PDE7A: variants seen among roughly 807,000 people sequenced by gnomAD.
The protein encoded by PDE7A is phosphodiesterase 7A, also known as high affinity 3',5'-cyclic-AMP phosphodiesterase 7A.
In PDE7A, 39 loss-of-function variants were observed where a neutral mutation model predicts 64.3. The observed-to-expected ratio is 0.61, with a 90% CI of 0.47 to 0.79. The LOEUF (loss-of-function observed/expected upper bound fraction) is 0.79, where lower values mean the gene tolerates loss of function less well. PDE7A is among the 30% of genes least tolerant of loss of function. The probability of loss-of-function intolerance (pLI) is 0.00; values close to 1 mark genes in which losing one functional copy is unlikely to be tolerated. For missense variants in PDE7A, 470 were observed against 582.8 expected (o/e 0.81, Z 1.99); for synonymous variants, 203 against 206.8 (o/e 0.98, Z 0.16).
chr8:65,764,222 G>C (rs939925350), intron 3 of PDE7A, among the ~76,000 whole-genome samples: 1 of 152,122 alleles, frequency 6.6e-6, no homozygotes, highest in Non-Finnish European at 1.5e-5. Context: ...CTGGGATATC[G>C]CCATAAACTA....
At chr8:65,779,013 G>A (rs1290899737) in intron 3 of PDE7A, among the ~76,000 whole-genome samples, 2 of 152,150 alleles carry the variant, frequency 1.3e-5, no homozygotes, top group Admixed American at 1.3e-4. Flanking sequence ...CCCAGAATCA[G>A]TACATGCTAT....
chr8:65,740,568 T>C (rs924690952), intron 5 of PDE7A, among the ~76,000 whole-genome samples: 4 of 152,014 alleles, frequency 2.6e-5, no homozygotes. Context: ...GCCCGGCTAA[T>C]TTTTTGTATT....
chr8:65,758,362 G>T (rs1808332703), intron 3 of PDE7A, among the ~76,000 whole-genome samples: 1 of 152,166 alleles, frequency 6.6e-6, no homozygotes, highest in African/African-American at 2.4e-5. Context: ...TAGGACTACT[G>T]TATCAGGTAA....
At chr8:65,751,579 G>A (rs940933112) in intron 3 of PDE7A, among the ~76,000 whole-genome samples, 6 of 151,932 alleles carry the variant, frequency 3.9e-5, no homozygotes, top group South Asian at 2.1e-4. Flanking sequence ...CGCAACCTCC[G>A]CCTCCGGGGT....
At chr8:65,758,865 A>T (rs1173207632) in intron 3 of PDE7A, among the ~76,000 whole-genome samples, 1 of 152,160 alleles carries the variant, frequency 6.6e-6, no homozygotes, top group Non-Finnish European at 1.5e-5. Flanking sequence ...GTAGCCCCCC[A>T]GGGCTACCAG....
At chr8:65,754,451 C>A (rs1453348615) in intron 3 of PDE7A, among the ~76,000 whole-genome samples, 1 of 151,772 alleles carries the variant, frequency 6.6e-6, no homozygotes, top group Non-Finnish European at 1.5e-5. Context: ...CATTCTCCTG[C>A]CTCAGGCTCC....
At chr8:65,785,011 T>C (rs1403514391) in intron 1 of PDE7A, among the ~76,000 whole-genome samples, 4 of 152,102 alleles carry the variant, frequency 2.6e-5, no homozygotes, top group African/African-American at 7.2e-5. Flanking sequence ...ACAATTATTA[T>C]ATTGAAAATT....
chr8:65,802,685 G>A (rs909307676), intron 1 of PDE7A, among the ~76,000 whole-genome samples: 10 of 152,078 alleles, frequency 6.6e-5, no homozygotes, highest in Non-Finnish European at 1.2e-4. Context: ...CAATTCTCTC[G>A]CAAGTCCAAA....
At chr8:65,778,335 GA>G (rs1015990901) in intron 3 of PDE7A, among the ~76,000 whole-genome samples, 1 of 152,148 alleles carries the variant, frequency 6.6e-6, no homozygotes, top group African/African-American at 2.4e-5. Context: ...GCCATTTATG[GA>G]GAGAGAAAAA....
chr8:65,716,177 GA>G lies in PDE7A; in HGVS notation c.*3112del, dbSNP rs567149972. Reference sequence around the variant, plus strand: ...AAAAAAAAAAAACAAAAGGGCTATAGAAGGTGATTCCCACATATACATAATA... The same window carrying G: ...AAAAAAAAAAAACAAAAGGGCTATAGAGGTGATTCCCACATATACATAATA... On this transcript the variant is annotated 3_prime_UTR_variant, in exon 13 of 13. Coordinates refer to ENST00000401827, the MANE Select transcript of PDE7A (RefSeq NM_001242318.3). 6.2e-4 allele frequency among the ~76,000 whole-genome samples: 93 copies of G among 149,376 alleles called. 1 individual carries two copies. The highest frequency in any genetic ancestry group is 1.6e-3 in the African/African-American group (65 of 40,818).
chr8:65,747,854 T>C, intron 3 of PDE7A, 51 bp from the exon 4 acceptor site: 1 of 1,232,310 alleles, frequency 8.1e-7, no homozygotes, highest in African/African-American at 1.5e-5. Flanking sequence ...ATTATACACA[T>C]GCTATCTTTG....
At chr8:65,737,284 T>C (rs1316157440) in intron 6 of PDE7A, among the ~76,000 whole-genome samples, 2 of 152,090 alleles carry the variant, frequency 1.3e-5, no homozygotes. Context: ...GGCTTCCACA[T>C]TAGCGGCAAC....
chr8:65,729,224 G>T (rs536035468), intron 7 of PDE7A, among the ~76,000 whole-genome samples: 1 of 152,206 alleles, frequency 6.6e-6, no homozygotes, highest in Non-Finnish European at 1.5e-5. Flanking sequence ...GCCATCATTA[G>T]GGTTCTTTTT....
intron 12 of PDE7A, 98 bp downstream of exon 12, chr8:65,723,443 G>T: frequency 8.9e-7 from 1 of 1,120,622 alleles, no homozygotes; most frequent in Non-Finnish European, 1.2e-6. Context: ...AAATAGAAAT[G>T]AGCATAATTT....
chr8:65,788,440 G>C (rs1340319440), intron 1 of PDE7A, among the ~76,000 whole-genome samples: 1 of 152,118 alleles, frequency 6.6e-6, no homozygotes, highest in Non-Finnish European at 1.5e-5. Flanking sequence ...GAGAAAACAT[G>C]ATAGACGGTG....
intron 5 of PDE7A, among the ~76,000 whole-genome samples, chr8:65,744,052 T>A (rs1807561355): frequency 6.6e-6 from 1 of 152,148 alleles, no homozygotes; most frequent in Admixed American, 6.5e-5. Context: ...AGGCTGGTCT[T>A]AAACTCCTGA....
At chr8:65,798,203 TATA>T (rs368793297) in intron 1 of PDE7A, among the ~76,000 whole-genome samples, 10,777 of 57,212 alleles carry the variant, frequency 0.19, 947 homozygotes, top group African/African-American at 0.32. Context: ...TATATATATA[TATA>T]TTTTTTTTTT....
At chr8:65,748,372 G>T (rs1212364724) in intron 3 of PDE7A, among the ~76,000 whole-genome samples, 1 of 152,180 alleles carries the variant, frequency 6.6e-6, no homozygotes, top group Non-Finnish European at 1.5e-5. Flanking sequence ...AAAGGATAGG[G>T]ATAAAAATTA....
intron 1 of PDE7A, among the ~76,000 whole-genome samples, chr8:65,830,126 T>A (rs903561194): frequency 6.6e-6 from 1 of 152,134 alleles, no homozygotes; most frequent in Non-Finnish European, 1.5e-5. Flanking sequence ...TTTCTGAAAC[T>A]TGCTGTCGAG....
Sources: allele counts gnomAD v4.1 joint callset (sites outside exome capture counted in the v4.1 genomes callset), GRCh38; gene constraint gnomAD v4.1.1; transcripts MANE v1.5; gene names NCBI Gene and HGNC (gene_info 2026-07-23, HGNC 2026-07-21).